Variants in DAB1 observed in about 807,000 individuals in gnomAD.
DAB1 encodes DAB adaptor protein 1.
In DAB1, 15 loss-of-function variants were observed where a neutral mutation model predicts 64.6. The ratio of observed to expected loss-of-function variants is 0.23; its 90% CI spans 0.16 to 0.36. The LOEUF is 0.36. Among genes scored for constraint, DAB1 ranks in the 10% least tolerant of loss-of-function variants. DAB1 has a pLI of 1.00. For synonymous variants in DAB1, 235 were observed against 251.9 expected (o/e 0.93, Z 0.64); for missense variants, 596 against 706.7 (o/e 0.84, Z 1.78).
chr1:58,344,564 C>G (rs752489041), intron 3 of DAB1, among the ~76,000 whole-genome samples: 3 of 152,152 alleles, frequency 2.0e-5, no homozygotes, highest in Non-Finnish European at 4.4e-5. Flanking sequence ...TCAGTCTTCT[C>G]TTCTACAAAA....
At chr1:57,413,229 C>T (rs1049403273) in intron 1 of DAB1, among the ~76,000 whole-genome samples, 2 of 152,152 alleles carry the variant, frequency 1.3e-5, no homozygotes, top group Non-Finnish European at 2.9e-5. Flanking sequence ...TGACAACAGA[C>T]CTGGTCACCC....
chr1:57,989,697 C>A (rs1421812687), intron 5 of DAB1, among the ~76,000 whole-genome samples: 1 of 152,062 alleles, frequency 6.6e-6, no homozygotes, highest in East Asian at 1.9e-4. Context: ...CATGGGGCAC[C>A]AGGGCTGGGA....
chr1:58,276,804 G>A (rs1178677785), intron 4 of DAB1, among the ~76,000 whole-genome samples: 3 of 151,954 alleles, frequency 2.0e-5, no homozygotes, highest in Non-Finnish European at 4.4e-5. Context: ...TCATTTCACT[G>A]ATTATGCACA....
chr1:57,294,991 T>C (rs1673070187), intron 1 of DAB1, among the ~76,000 whole-genome samples: 1 of 152,180 alleles, frequency 6.6e-6, no homozygotes, highest in Non-Finnish European at 1.5e-5. Flanking sequence ...TTGCATACTG[T>C]ATGATTTCAC....
chr1:57,519,110 G>A (rs1644496125), intron 7 of DAB1, among the ~76,000 whole-genome samples: 1 of 152,050 alleles, frequency 6.6e-6, no homozygotes, highest in South Asian at 2.1e-4. Flanking sequence ...TGTGATAATG[G>A]CCCCCCAAAA....
At chr1:57,845,939 T>C (rs935224925) in intron 1 of DAB1, among the ~76,000 whole-genome samples, 1 of 152,114 alleles carries the variant, frequency 6.6e-6, no homozygotes, top group Non-Finnish European at 1.5e-5. Flanking sequence ...CACTCCACTT[T>C]AATAAATTTG....
intron 3 of DAB1, among the ~76,000 whole-genome samples, chr1:57,137,178 T>C (rs561608080): frequency 5.9e-5 from 9 of 152,340 alleles, no homozygotes; most frequent in Admixed American, 2.6e-4. Context: ...CTATTGATTA[T>C]AATTTTTATC....
intron 7 of DAB1, among the ~76,000 whole-genome samples, chr1:57,521,836 G>A (rs1470705839): frequency 1.3e-5 from 2 of 152,180 alleles, no homozygotes; most frequent in Admixed American, 6.5e-5. Flanking sequence ...TCGGCCGGGC[G>A]TGGTGGCTCA....
chr1:58,230,614 C>T (rs932759014), intron 4 of DAB1, among the ~76,000 whole-genome samples: 4 of 152,134 alleles, frequency 2.6e-5, no homozygotes, highest in African/African-American at 9.7e-5. Context: ...AAGTAGAAGC[C>T]CCTGGTATAT....
At chr1:57,391,296 C>T (rs111769622) in intron 1 of DAB1, among the ~76,000 whole-genome samples, 208 of 152,280 alleles carry the variant, frequency 1.4e-3, no homozygotes, top group African/African-American at 4.7e-3. Flanking sequence ...AAAGAAGAGG[C>T]TGCAACAGAG....
intron 1 of DAB1, among the ~76,000 whole-genome samples, chr1:57,315,957 A>G (rs1466555526): frequency 1.3e-5 from 2 of 152,342 alleles, no homozygotes; most frequent in East Asian, 3.9e-4. Flanking sequence ...ATGGCAAGGA[A>G]CTTTTTCTGG....
At chr1:57,684,314 A>G (rs1170099918) in intron 6 of DAB1, among the ~76,000 whole-genome samples, 3 of 152,268 alleles carry the variant, frequency 2.0e-5, no homozygotes, top group Middle Eastern at 3.4e-3. Flanking sequence ...TCCAAGGCAC[A>G]TACTCATCAG....
intron 9 of DAB1, among the ~76,000 whole-genome samples, chr1:57,029,546 A>G (rs1460908575): frequency 7.5e-6 from 1 of 133,078 alleles, no homozygotes; most frequent in Non-Finnish European, 1.6e-5. Flanking sequence ...AAAGCCTCAG[A>G]CACTCCATGC....
chr1:58,260,810 A>G (rs1661031215), intron 4 of DAB1, among the ~76,000 whole-genome samples: 1 of 152,188 alleles, frequency 6.6e-6, no homozygotes, highest in Non-Finnish European at 1.5e-5. Flanking sequence ...CGTGGGACTC[A>G]ACCTCTGCCA....
intron 1 of DAB1, among the ~76,000 whole-genome samples, chr1:57,376,773 C>T (rs11585284): frequency 0.29 from 44,633 of 152,052 alleles, 6,855 homozygotes; most frequent in African/African-American, 0.33. Context: ...TAAAAGGACT[C>T]ATCAAAATGT....
intron 7 of DAB1, among the ~76,000 whole-genome samples, chr1:57,484,750 T>C (rs1466940276): frequency 6.6e-6 from 1 of 151,914 alleles, no homozygotes; most frequent in African/African-American, 2.4e-5. Context: ...GAGAGAGTAA[T>C]TGGAAAAGAG....
intron 3 of DAB1, among the ~76,000 whole-genome samples, chr1:58,466,576 C>T (rs985981447): frequency 5.9e-5 from 9 of 152,082 alleles, no homozygotes; most frequent in South Asian, 2.1e-4. Flanking sequence ...GCAGCTGTCA[C>T]GGGAAGCCCT....
At chr1:58,540,874 A>C (rs544111562) in intron 1 of DAB1, among the ~76,000 whole-genome samples, 75 of 152,236 alleles carry the variant, frequency 4.9e-4, no homozygotes, top group African/African-American at 1.8e-3. Flanking sequence ...AAAATTATAA[A>C]ACCACAAATT....
Position 57,026,008 on chromosome 1 carries a change from G to T in DAB1, c.759C>A (p.Ser253=). The T allele has an allele frequency of 6.3e-7, 1 of 1,592,688 alleles. No individual in the cohort carries two copies. The highest frequency in any genetic ancestry group is 1.2e-5 in the South Asian group (1 of 86,694). ...GGGGAGAGGTTATATCAGGGGGTGT[G>T]GACATGTCCCCAAAAAGTTCTAATT... ...VTQLELFGDM[S]TPPDITSPPT... The change falls in exon 10 of 15, where the codon TCC becomes TCA. Residue 253 remains serine, a synonymous_variant. Coordinates refer to ENST00000371236, the MANE Select transcript of DAB1 (RefSeq NM_001365792.1).
Sources: allele counts gnomAD v4.1 joint callset (sites outside exome capture counted in the v4.1 genomes callset), GRCh38; gene constraint gnomAD v4.1.1; transcripts MANE v1.5; gene names NCBI Gene and HGNC (gene_info 2026-07-23, HGNC 2026-07-21).